Variants in NMT2 observed in about 807,000 individuals in gnomAD.
NMT2 encodes the protein glycylpeptide N-tetradecanoyltransferase 2.
Under a neutral mutation model 65.4 loss-of-function variants are expected in NMT2, and 35 were observed. The observed-to-expected ratio is 0.54, with a 90% CI of 0.41 to 0.71. The LOEUF (loss-of-function observed/expected upper bound fraction) is 0.71. NMT2 is among the 30% of genes least tolerant of loss of function. The probability of loss-of-function intolerance (pLI) is 0.00; values close to 1 mark genes in which losing one functional copy is unlikely to be tolerated. For synonymous variants in NMT2, 226 were observed against 231.8 expected (o/e 0.98, Z 0.23); for missense variants, 489 against 611.3 (o/e 0.80, Z 2.11).
In NMT2 at chr10:15,108,399, A is replaced by G. The variant is rs1466967255; in HGVS notation, c.*796T>C. The stretch of plus-strand genomic sequence containing the variant: ...ATGGGGTTTCACTATGTTGGCCAGA[A>G]TGGTCTCGATCTCCTGACCTCATGA... On this transcript the variant is annotated 3_prime_UTR_variant, in exon 12 of 12. Transcript: ENST00000378165. 1 of 593,944 alleles carries G rather than the reference A, an allele frequency of 1.7e-6. No individual in the cohort carries two copies. The highest frequency in any genetic ancestry group is 2.1e-6 in the Non-Finnish European group (1 of 473,316). 36.8% of individuals were successfully genotyped at this position (593,944 alleles called of 1,614,324 possible).
intron 6 of NMT2, among the ~76,000 whole-genome samples, chr10:15,131,871 A>AT (rs869083149): frequency 2.1e-3 from 313 of 147,110 alleles, no homozygotes; most frequent in South Asian, 8.0e-3. Flanking sequence ...TTTTTAAGTA[A>AT]TTTTTTTTTT....
chr10:15,138,553 C>T, intron 2 of NMT2: 1 of 453,212 alleles, frequency 2.2e-6, no homozygotes, highest in Non-Finnish European at 4.6e-6. Flanking sequence ...TTCTTCCACA[C>T]ATGCTTTCTG....
chr10:15,148,190 A>G (rs1847028125), intron 1 of NMT2, among the ~76,000 whole-genome samples: 1 of 152,160 alleles, frequency 6.6e-6, no homozygotes, highest in Admixed American at 6.5e-5. Context: ...CAGTTTCTGT[A>G]GCTGTAAAAG....
intron 1 of NMT2, among the ~76,000 whole-genome samples, chr10:15,162,175 C>G (rs1377333215): frequency 6.6e-6 from 1 of 150,462 alleles, no homozygotes; most frequent in Non-Finnish European, 1.5e-5. Flanking sequence ...TCACTTGAGT[C>G]CAGGAGGTCA....
intron 9 of NMT2, among the ~76,000 whole-genome samples, chr10:15,116,296 C>A (rs989999733): frequency 6.6e-6 from 1 of 152,130 alleles, no homozygotes; most frequent in Non-Finnish European, 1.5e-5. Context: ...TCTCTAAACA[C>A]AGCAAAATTG....
In NMT2 at chr10:15,115,873, T is replaced by G. The variant is rs112485324; in HGVS notation, c.1171-2910A>C. ...CATTATGATAAAAAGATCAATCCAC[T>G]AGGGAGACACAAAGACCCTAATATA... is the stretch of plus-strand genomic sequence containing the variant. On this transcript the variant is annotated intron_variant, in intron 9 of 11. Coordinates refer to ENST00000378165, the MANE Select transcript of NMT2 (RefSeq NM_004808.3). Among the ~76,000 whole-genome samples the G allele has an allele frequency of 5.9e-3, 892 of 152,238 alleles. 6 individuals carry two copies. The highest frequency in any genetic ancestry group is 7.3e-3 in the Non-Finnish European group (498 of 68,020).
At chr10:15,145,121 C>T (rs1330150635) in intron 1 of NMT2, among the ~76,000 whole-genome samples, 1 of 152,060 alleles carries the variant, frequency 6.6e-6, no homozygotes, top group Non-Finnish European at 1.5e-5. Context: ...ATCTTGAAAA[C>T]GCTACACTAA....
chr10:15,117,795 A>AT (rs1845793841), intron 9 of NMT2, among the ~76,000 whole-genome samples: 1 of 152,232 alleles, frequency 6.6e-6, no homozygotes, highest in Non-Finnish European at 1.5e-5. Context: ...CGCCCCAAAG[A>AT]AAGTGAAATA....
intron 9 of NMT2, among the ~76,000 whole-genome samples, chr10:15,115,590 C>A (rs571788530): frequency 2.3e-4 from 35 of 152,304 alleles, no homozygotes; most frequent in African/African-American, 8.4e-4. Context: ...TAGACTTAAG[C>A]TCTACCATAC....
chr10:15,160,151 A>G (rs1012817368), intron 1 of NMT2, among the ~76,000 whole-genome samples: 1 of 152,170 alleles, frequency 6.6e-6, no homozygotes, highest in African/African-American at 2.4e-5. Flanking sequence ...GATGTCTGAC[A>G]CTGAATTCAA....
intron 1 of NMT2, among the ~76,000 whole-genome samples, chr10:15,168,106 T>A (rs1833435463): frequency 6.6e-6 from 1 of 152,012 alleles, no homozygotes; most frequent in Admixed American, 6.5e-5. Context: ...GAGGGCGACC[T>A]CCTACCCCAG....
At chr10:15,122,640 C>T (rs754736850) in intron 8 of NMT2, among the ~76,000 whole-genome samples, 2 of 152,110 alleles carry the variant, frequency 1.3e-5, no homozygotes, top group African/African-American at 2.4e-5. Context: ...AGGATGGTCT[C>T]GATCTCCTGA....
chr10:15,141,798 T>C (rs945855642), intron 1 of NMT2, among the ~76,000 whole-genome samples: 1 of 152,196 alleles, frequency 6.6e-6, no homozygotes, highest in Admixed American at 6.5e-5. Context: ...AGCAGGAAGA[T>C]TGCAGAGATA....
intron 1 of NMT2, among the ~76,000 whole-genome samples, chr10:15,159,525 G>A (rs981839790): frequency 6.6e-6 from 1 of 151,944 alleles, no homozygotes; most frequent in South Asian, 2.1e-4. Context: ...CCATCTCTCG[G>A]GTTCAAGCAA....
intron 1 of NMT2, among the ~76,000 whole-genome samples, chr10:15,158,367 TA>T (rs1220598769): frequency 1.3e-5 from 2 of 151,296 alleles, no homozygotes; most frequent in African/African-American, 4.9e-5. Context: ...GTCAAAAAAT[TA>T]GTTACCATTT....
chr10:15,151,059 C>CTTTTTTTTTTTTTTTTTTTTTTT (rs200879621), intron 1 of NMT2, among the ~76,000 whole-genome samples: 16 of 139,878 alleles, frequency 1.1e-4, no homozygotes, highest in African/African-American at 4.0e-4. Flanking sequence ...TAGCTTCCTC[C>CTTTTTTTTTTTTTTTTTTTTTTT]TTTTTTTTTT....
intron 1 of NMT2, 60 bp from the exon 2 acceptor site, chr10:15,141,617 G>A (rs1846768167): frequency 6.5e-7 from 1 of 1,533,024 alleles, no homozygotes; most frequent in Non-Finnish European, 8.8e-7. Context: ...AAATGAAATT[G>A]AATTGCATAC....
intron 1 of NMT2, among the ~76,000 whole-genome samples, chr10:15,167,900 C>A (rs1833427582): frequency 6.6e-6 from 1 of 152,198 alleles, no homozygotes; most frequent in African/African-American, 2.4e-5. Context: ...CGAGGCGGTG[C>A]AAAGCCCAGT....
At chr10:15,148,808 A>AC (rs147549332) in intron 1 of NMT2, among the ~76,000 whole-genome samples, 11,003 of 152,210 alleles carry the variant, frequency 0.072, 709 homozygotes, top group African/African-American at 0.18. Flanking sequence ...AATAAAAAAA[A>AC]ATTAAGAAAA....
Sources: allele counts gnomAD v4.1 joint callset (sites outside exome capture counted in the v4.1 genomes callset), GRCh38; gene constraint gnomAD v4.1.1; transcripts MANE v1.5; gene names NCBI Gene and HGNC (gene_info 2026-07-23, HGNC 2026-07-21).